Variants in ADGRA3 observed in about 807,000 individuals in gnomAD.
The protein encoded by ADGRA3 is G-protein coupled receptor 125.
In ADGRA3, 56 loss-of-function variants were observed where a neutral mutation model predicts 119.8. The ratio of observed to expected loss-of-function variants is 0.47; its 90% confidence interval spans 0.38 to 0.58. The LOEUF (loss-of-function observed/expected upper bound fraction) is 0.58. Ranked by LOEUF, ADGRA3 falls within the 20% of genes least tolerant of loss-of-function variation. ADGRA3 has a pLI of 0.00. For missense variants in ADGRA3, 1,516 were observed against 1,649.0 expected (o/e 0.92, Z 1.40); for synonymous variants, 607 against 623.8 (o/e 0.97, Z 0.40).
In ADGRA3 at chr4:22,388,058, C is replaced by CA; in HGVS notation, c.3612_3613insT (p.Gly1205TrpfsTer4). The stretch of plus-strand genomic sequence containing the variant: ...TTGCCCAGCCGGCTTTTAGGTAAGC[C>CA]GTTCTGCACGCTTCCTTCCACGCTC... On this transcript the variant is annotated frameshift_variant, in exon 19 of 19. Coordinates refer to ENST00000334304, the MANE Select transcript of ADGRA3 (RefSeq NM_145290.4). LOFTEE classifies it low-confidence loss of function (END_TRUNC). 1 of 1,614,126 alleles carries CA rather than the reference C, an allele frequency of 6.2e-7. No homozygotes were observed. The highest frequency in any genetic ancestry group is 1.1e-5 in the South Asian group (1 of 91,086).
intron 2 of ADGRA3, among the ~76,000 whole-genome samples, chr4:22,464,932 A>C (rs1717602490): frequency 6.6e-6 from 1 of 152,154 alleles, no homozygotes; most frequent in African/African-American, 2.4e-5. Context: ...CCAAATCACT[A>C]CACTGAAAGC....
intron 2 of ADGRA3, among the ~76,000 whole-genome samples, chr4:22,471,475 C>T (rs966773102): frequency 6.6e-6 from 1 of 152,122 alleles, no homozygotes. Flanking sequence ...AAGAGCCCAG[C>T]CCTTTCATCA....
intron 1 of ADGRA3, among the ~76,000 whole-genome samples, chr4:22,480,545 A>G (rs1302111192): frequency 6.6e-6 from 1 of 152,026 alleles, no homozygotes; most frequent in Non-Finnish European, 1.5e-5. Flanking sequence ...AATCAAAACA[A>G]AACTATGGAG....
At chr4:22,510,768 C>G (rs1719422567) in intron 1 of ADGRA3, among the ~76,000 whole-genome samples, 1 of 152,130 alleles carries the variant, frequency 6.6e-6, no homozygotes, top group South Asian at 2.1e-4. Flanking sequence ...AAATAAAATA[C>G]CTTCCAAGGA....
chr4:22,486,376 T>G (rs1404591788), intron 1 of ADGRA3, among the ~76,000 whole-genome samples: 2 of 152,198 alleles, frequency 1.3e-5, no homozygotes, highest in African/African-American at 2.4e-5. Flanking sequence ...CGGCTTGGTT[T>G]CTAGCCCATC....
chr4:22,447,716 TA>T (rs905561826), intron 4 of ADGRA3, among the ~76,000 whole-genome samples: 3 of 152,110 alleles, frequency 2.0e-5, no homozygotes, highest in Non-Finnish European at 2.9e-5. Context: ...CACAAAGTAG[TA>T]AATACAATTA....
chr4:22,424,694 CT>C (rs1715861080), intron 10 of ADGRA3, among the ~76,000 whole-genome samples: 1 of 152,208 alleles, frequency 6.6e-6, no homozygotes, highest in South Asian at 2.1e-4. Context: ...ATAAAAAGAT[CT>C]TGACTGTTCA....
intron 14 of ADGRA3, among the ~76,000 whole-genome samples, chr4:22,410,611 G>T (rs1715152358): frequency 6.6e-6 from 1 of 151,938 alleles, no homozygotes; most frequent in Admixed American, 6.6e-5. Flanking sequence ...AAGAGACATA[G>T]GATTTTATCA....
intron 1 of ADGRA3, among the ~76,000 whole-genome samples, chr4:22,504,384 A>G (rs1214006148): frequency 2.0e-5 from 3 of 152,184 alleles, no homozygotes; most frequent in Non-Finnish European, 4.4e-5. Flanking sequence ...CCTGACAACA[A>G]AGCTGTGTGT....
intron 8 of ADGRA3, among the ~76,000 whole-genome samples, chr4:22,437,690 A>T (rs747860891): frequency 6.6e-6 from 1 of 152,222 alleles, no homozygotes; most frequent in South Asian, 2.1e-4. Flanking sequence ...GCTTAGATTA[A>T]CAAACCCCAC....
rs138639924 is a variant in ADGRA3 at position 22,389,909 on chromosome 4, G to A, written c.2628-726C>T. ...GGGTAAGTCAGAATCTTAATTTTGC[G>A]TTTGCTCCTTCCTGAGACATGGCCC... On this transcript the variant is annotated intron_variant, in intron 17 of 18. Transcript: ENST00000334304. Among the ~76,000 whole-genome samples the A allele has an allele frequency of 4.1e-4, 62 of 152,178 alleles. 1 individual carries two copies. Among genetic ancestry groups the A allele is most frequent in the Middle Eastern group, 3.4e-3 (1 of 294 alleles).
intron 1 of ADGRA3, among the ~76,000 whole-genome samples, chr4:22,504,662 T>C (rs555364107): frequency 6.6e-6 from 1 of 152,172 alleles, no homozygotes; most frequent in South Asian, 2.1e-4. Flanking sequence ...TTTCATCGTC[T>C]TTCCTCTGCT....
intron 13 of ADGRA3, 61 bp from the exon 14 acceptor site, chr4:22,413,451 C>T (rs1715299363): frequency 2.7e-6 from 4 of 1,468,560 alleles, no homozygotes; most frequent in Non-Finnish European, 3.8e-6. Context: ...TTATAAATGT[C>T]AACTTCTACA....
At chr4:22,497,438 A>G (rs1359527722) in intron 1 of ADGRA3, among the ~76,000 whole-genome samples, 3 of 152,054 alleles carry the variant, frequency 2.0e-5, no homozygotes, top group Non-Finnish European at 2.9e-5. Flanking sequence ...AGGCTGGTCT[A>G]CTCACGGAGT....
chr4:22,471,098 G>A (rs1717845055), intron 2 of ADGRA3, among the ~76,000 whole-genome samples: 1 of 152,146 alleles, frequency 6.6e-6, no homozygotes, highest in African/African-American at 2.4e-5. Context: ...AGTGCTGAAG[G>A]AATAAAGTCT....
chr4:22,390,362 TACGTA>T, intron 17 of ADGRA3, among the ~76,000 whole-genome samples: 1 of 17,164 alleles, frequency 5.8e-5, no homozygotes, highest in East Asian at 2.2e-3. Flanking sequence ...ATATATATAA[TACGTA>T]TTATATATAT....
At chr4:22,480,237 A>G (rs778202281) in intron 1 of ADGRA3, among the ~76,000 whole-genome samples, 1 of 152,256 alleles carries the variant, frequency 6.6e-6, no homozygotes, top group Non-Finnish European at 1.5e-5. Context: ...TCACAATCAA[A>G]TAAAGGGATG....
intron 12 of ADGRA3, chr4:22,414,498 T>A (rs1715353894): frequency 6.7e-6 from 4 of 598,246 alleles, no homozygotes; most frequent in African/African-American, 3.7e-5. Flanking sequence ...ACCAAAGAAG[T>A]GAACAATTAA....
At chr4:22,489,695 G>C (rs542926430) in intron 1 of ADGRA3, among the ~76,000 whole-genome samples, 1 of 152,244 alleles carries the variant, frequency 6.6e-6, no homozygotes, top group East Asian at 1.9e-4. Flanking sequence ...ATGAAAACTT[G>C]TGGGTATTTC....
Sources: allele counts gnomAD v4.1 joint callset (sites outside exome capture counted in the v4.1 genomes callset), GRCh38; gene constraint gnomAD v4.1.1; transcripts MANE v1.5; gene names NCBI Gene and HGNC (gene_info 2026-07-23, HGNC 2026-07-21).